Variants in SDK1 observed in about 807,000 individuals in gnomAD.
The protein encoded by SDK1 is sidekick cell adhesion molecule 1.
In SDK1, 157 loss-of-function variants were observed where a neutral mutation model predicts 245.5. The ratio of observed to expected loss-of-function variants is 0.64; its 90% CI spans 0.56 to 0.73. The LOEUF (loss-of-function observed/expected upper bound fraction) is 0.73, where lower values mean the gene tolerates loss of function less well. Ranked by LOEUF, SDK1 falls within the 30% of genes least tolerant of loss-of-function variation. The pLI, the probability that SDK1 is intolerant of heterozygous loss-of-function variation, is 0.00. For missense variants in SDK1, 3,583 were observed against 3,002.3 expected (o/e 1.19, Z -4.52); for synonymous variants, 1,647 against 1,278.5 (o/e 1.29, Z -6.15).
intron 5 of SDK1, among the ~76,000 whole-genome samples, chr7:3,851,629 TACTA>T: frequency 1.3e-5 from 2 of 152,278 alleles, no homozygotes; most frequent in South Asian, 4.1e-4. Context: ...AGAGGAGACT[TACTA>T]AGTAAGATTC....
intron 1 of SDK1, among the ~76,000 whole-genome samples, chr7:3,410,628 C>T (rs1228094012): frequency 1.4e-5 from 2 of 138,404 alleles, no homozygotes; most frequent in African/African-American, 5.8e-5. Flanking sequence ...GCTCTGTCGC[C>T]TAGGCTGGAG....
rs772031074 is a variant in SDK1 at position 4,145,925 on chromosome 7, T to G, written c.4423+9T>G. 6.9e-6 allele frequency: 11 copies of G among 1,591,590 alleles called. No homozygotes were observed. The highest frequency in any genetic ancestry group is 9.4e-6 in the Non-Finnish European group (11 of 1,169,594). ...CACCACCGAGAAGAGAGGTAAGACC[T>G]TGGGGGACCCGGGGGTACTGCAGAT... On this transcript the variant is annotated intron_variant, in intron 29 of 44. Transcript: ENST00000404826.
At chr7:3,810,814 A>C (rs760120868) in intron 4 of SDK1, among the ~76,000 whole-genome samples, 4 of 152,204 alleles carry the variant, frequency 2.6e-5, no homozygotes, top group African/African-American at 4.8e-5. Flanking sequence ...GTGGATTTTA[A>C]CGTTCGTGGC....
chr7:3,435,974 T>G (rs1446907322), intron 1 of SDK1, among the ~76,000 whole-genome samples: 1 of 152,248 alleles, frequency 6.6e-6, no homozygotes, highest in Non-Finnish European at 1.5e-5. Flanking sequence ...GCCTAAACAT[T>G]AACTTTGGAG....
rs541664889 is a variant in SDK1 at position 3,583,256 on chromosome 7, A to G, written c.299-35824A>G. Among the ~76,000 whole-genome samples the G allele has an allele frequency of 5.9e-5, 9 of 152,358 alleles. No homozygotes were observed. The South Asian group carries it at 1.7e-3, about 28-fold the overall frequency. ...AATTTGGCAGTTCCTGCTCTAAAAT[A>G]ACATTCTCCATCTTTCCGGGAGTAA... On this transcript the variant is annotated intron_variant, in intron 1 of 44. Coordinates refer to ENST00000404826, the MANE Select transcript of SDK1 (RefSeq NM_152744.4).
intron 4 of SDK1, among the ~76,000 whole-genome samples, chr7:3,672,282 G>A (rs1183835840): frequency 6.6e-6 from 1 of 151,966 alleles, no homozygotes; most frequent in Non-Finnish European, 1.5e-5. Flanking sequence ...CAGTTATTGT[G>A]AATACCCATC....
intron 5 of SDK1, among the ~76,000 whole-genome samples, chr7:3,934,681 G>C (rs1240895336): frequency 6.6e-6 from 1 of 152,242 alleles, no homozygotes; most frequent in African/African-American, 2.4e-5. Context: ...AATTTGCAAG[G>C]AGTGGGGCCG....
At chr7:4,141,141 G>A (rs7779054) in intron 28 of SDK1, among the ~76,000 whole-genome samples, 10,136 of 152,278 alleles carry the variant, frequency 0.067, 559 homozygotes, top group African/African-American at 0.15. Context: ...GGCAAGTGAG[G>A]TGAGGCCCAC....
At chr7:3,701,173 A>C (rs921480162) in intron 4 of SDK1, among the ~76,000 whole-genome samples, 4 of 152,234 alleles carry the variant, frequency 2.6e-5, no homozygotes, top group Non-Finnish European at 5.9e-5. Context: ...GTGGAAATTG[A>C]CAGAGAATAC....
At chr7:3,919,131 A>G (rs1779494984) in intron 5 of SDK1, among the ~76,000 whole-genome samples, 1 of 152,168 alleles carries the variant, frequency 6.6e-6, no homozygotes, top group South Asian at 2.1e-4. Flanking sequence ...CAGCTGCTTC[A>G]TCTCCCTCTG....
intron 1 of SDK1, among the ~76,000 whole-genome samples, chr7:3,408,005 G>A (rs1028374508): frequency 7.2e-5 from 11 of 152,086 alleles, no homozygotes; most frequent in Non-Finnish European, 8.8e-5. Context: ...AGGCAAAGGC[G>A]AGTGTATGAT....
intron 1 of SDK1, among the ~76,000 whole-genome samples, chr7:3,523,981 C>G (rs533117263): frequency 6.6e-6 from 1 of 152,246 alleles, no homozygotes; most frequent in African/African-American, 2.4e-5. Flanking sequence ...TGATCCTGGC[C>G]TGTGATTCCA....
intron 17 of SDK1, among the ~76,000 whole-genome samples, chr7:4,049,119 C>T (rs929491510): frequency 1.3e-5 from 2 of 152,234 alleles, no homozygotes; most frequent in African/African-American, 4.8e-5. Flanking sequence ...TCTGGTCCAC[C>T]TTTCTGCCTA....
intron 1 of SDK1, among the ~76,000 whole-genome samples, chr7:3,546,234 C>T (rs1263422745): frequency 2.6e-5 from 4 of 152,100 alleles, no homozygotes; most frequent in African/African-American, 9.7e-5. Context: ...CTGGGAACCA[C>T]ACTGTAACGA....
chr7:3,675,488 G>C (rs4723015), intron 4 of SDK1, among the ~76,000 whole-genome samples: 46,851 of 152,008 alleles, frequency 0.31, 7,679 homozygotes, highest in East Asian at 0.39. Context: ...TTAAATGCTG[G>C]AGTACTTAAA....
intron 2 of SDK1, among the ~76,000 whole-genome samples, chr7:3,626,573 G>A (rs1782127444): frequency 2.0e-5 from 3 of 152,196 alleles, no homozygotes; most frequent in African/African-American, 7.2e-5. Flanking sequence ...CCTTGCCTTT[G>A]TAGGGCCATG....
At chr7:3,925,198 G>A (rs1779726723) in intron 5 of SDK1, among the ~76,000 whole-genome samples, 1 of 152,012 alleles carries the variant, frequency 6.6e-6, no homozygotes, top group Admixed American at 6.6e-5. Context: ...GGCACCCCCT[G>A]CCATTGGGAA....
intron 35 of SDK1, among the ~76,000 whole-genome samples, chr7:4,182,015 G>A (rs1782630149): frequency 6.6e-6 from 1 of 152,164 alleles, no homozygotes; most frequent in African/African-American, 2.4e-5. Flanking sequence ...CATCTCCCAG[G>A]TTCAAGCAAT....
chr7:3,321,069 C>T (rs1264066396), intron 1 of SDK1, among the ~76,000 whole-genome samples: 1 of 152,106 alleles, frequency 6.6e-6, no homozygotes, highest in African/African-American at 2.4e-5. Context: ...TCTTGCAATC[C>T]TAAAATTTTA....
Sources: allele counts gnomAD v4.1 joint callset (sites outside exome capture counted in the v4.1 genomes callset), GRCh38; gene constraint gnomAD v4.1.1; transcripts MANE v1.5; gene names NCBI Gene and HGNC (gene_info 2026-07-23, HGNC 2026-07-21).